FKBP15: variants seen among roughly 807,000 people sequenced by gnomAD.
The protein encoded by FKBP15 is FK506-binding protein 15.
FKBP15 carries 106 observed loss-of-function variants against 158.1 expected under a neutral mutation model. That is an observed-to-expected ratio of 0.67 (90% CI 0.57 to 0.79). The LOEUF (loss-of-function observed/expected upper bound fraction) is 0.79, where lower values mean the gene tolerates loss of function less well. Among genes scored for constraint, FKBP15 ranks in the 30% least tolerant of loss-of-function variants. The probability of loss-of-function intolerance (pLI) is 0.00; values close to 1 mark genes in which losing one functional copy is unlikely to be tolerated. For synonymous variants in FKBP15, 547 were observed against 548.6 expected (o/e 1.00, Z 0.04); for missense variants, 1,287 against 1,479.1 (o/e 0.87, Z 2.13).
In FKBP15 at chr9:113,184,893, A is replaced by G. The variant is rs1311478153; in HGVS notation, c.1499-89T>C. ...AGCTAGTAGCTCTTCCAGTAAAGAA[A>G]GAAATTAATACTTCCATACACTAGG... On this transcript the variant is annotated intron_variant, in intron 15 of 27. Transcript: ENST00000238256. This position sits in a 1 kb window ranked among gnomAD's most constrained non-coding sequence, Gnocchi z 4.5. 4.1e-6 allele frequency: 4 copies of G among 978,040 alleles called. No individual in the cohort carries two copies. The allele number at this position is 978,040 out of a possible 1,614,324, so 60.6% of individuals were successfully genotyped here.
At chr9:113,173,670 A>G in intron 22 of FKBP15, 65 bp from the exon 23 acceptor site, 1 of 1,528,048 alleles carries the variant, frequency 6.5e-7, no homozygotes, top group Non-Finnish European at 8.9e-7. Flanking sequence ...CATTGCACCT[A>G]GGGAAACCCA....
intron 24 of FKBP15, 22 bp from the exon 25 acceptor site, chr9:113,170,651 T>C (rs2118861343): frequency 6.4e-7 from 1 of 1,564,404 alleles, no homozygotes; most frequent in South Asian, 1.1e-5. Context: ...TCAAAACACA[T>C]GCTGTCAAAA....
intron 8 of FKBP15, among the ~76,000 whole-genome samples, chr9:113,197,604 G>A (rs1451015519): frequency 2.0e-5 from 3 of 152,154 alleles, no homozygotes; most frequent in Non-Finnish European, 4.4e-5. Flanking sequence ...AGGAGACAGA[G>A]GTTGCAGAGA....
At chr9:113,196,890 G>A (rs1830695819) in intron 9 of FKBP15, 42 bp downstream of exon 9, 7 of 1,598,310 alleles carry the variant, frequency 4.4e-6, no homozygotes, top group Non-Finnish European at 6.0e-6. Flanking sequence ...CAAAGAGACA[G>A]GCAGAGGACT....
intron 8 of FKBP15, among the ~76,000 whole-genome samples, chr9:113,197,885 T>C (rs1202929881): frequency 6.6e-6 from 1 of 152,168 alleles, no homozygotes; most frequent in Admixed American, 6.5e-5. Flanking sequence ...GGTTCAGTGA[T>C]CATGACTTAA....
rs1164991092 is a variant in FKBP15, at chr9:113,194,442, A to T, written c.865-273T>A. On this transcript the variant is annotated intron_variant, in intron 9 of 27. Coordinates refer to ENST00000238256, the MANE Select transcript of FKBP15 (RefSeq NM_015258.2). Reference sequence around the variant, plus strand: ...AATAAAAAATAAATAAATAAATAATAAATAAATTAAAAAAAAAAAAGAGTC... The same window carrying T: ...AATAAAAAATAAATAAATAAATAATTAATAAATTAAAAAAAAAAAAGAGTC... 3.9e-5 allele frequency among the ~76,000 whole-genome samples: 5 copies of T among 129,044 alleles called. No homozygotes were observed. The East Asian group carries it at 1.0e-3, about 26-fold the overall frequency. 84.7% of individuals were successfully genotyped at this position (129,044 alleles called of 152,430 possible).
chr9:113,178,254 C>T (rs943813697), intron 20 of FKBP15, among the ~76,000 whole-genome samples: 3 of 152,016 alleles, frequency 2.0e-5, no homozygotes, highest in African/African-American at 7.2e-5. Flanking sequence ...TGAAGAGTTG[C>T]AATCCATCTT....
chr9:113,213,980 T>C (rs1331729724), intron 1 of FKBP15, among the ~76,000 whole-genome samples: 2 of 152,090 alleles, frequency 1.3e-5, no homozygotes, highest in African/African-American at 4.8e-5. Context: ...GTCACCAGGC[T>C]AGAGTGCAGT....
intron 27 of FKBP15, 56 bp downstream of exon 27, chr9:113,168,404 G>T: frequency 6.8e-7 from 1 of 1,465,510 alleles, no homozygotes. Context: ...AGAGCCAGTA[G>T]GGAAGAGCCC....
intron 15 of FKBP15, among the ~76,000 whole-genome samples, chr9:113,185,882 T>C (rs1830477117): frequency 6.6e-6 from 1 of 152,166 alleles, no homozygotes; most frequent in Admixed American, 6.5e-5. Context: ...TTTCCTCCAA[T>C]GTTTTGCTCT....
Position 113,174,424 on chromosome 9 carries a change from T to C in FKBP15, c.2379+4A>G. ...ATTTTCAAAGTGCTTCAGTTTCCCATTACCTGCTCTGCAGCTGCTTGGTCT... is the reference window on the plus strand; with the variant it reads ...ATTTTCAAAGTGCTTCAGTTTCCCACTACCTGCTCTGCAGCTGCTTGGTCT... On this transcript the variant is annotated splice_donor_region_variant and intron_variant, in intron 22 of 27. Coordinates refer to ENST00000238256, the MANE Select transcript of FKBP15 (RefSeq NM_015258.2). 2 of 1,613,282 alleles carry C rather than the reference T, an allele frequency of 1.2e-6. No homozygotes were observed. Among genetic ancestry groups the C allele is most frequent in the Non-Finnish European group, 8.5e-7 (1 of 1,179,600 alleles).
intron 2 of FKBP15, among the ~76,000 whole-genome samples, chr9:113,210,567 G>A (rs986133978): frequency 6.6e-6 from 1 of 152,130 alleles, no homozygotes. Flanking sequence ...TCTTGACCTC[G>A]TGATCTGCTC....
rs1830031924 is a variant in FKBP15, at chr9:113,162,621, G to T, written c.*3457C>A. 2.3e-6 allele frequency: 2 copies of T among 852,946 alleles called. No homozygotes were observed. The highest frequency in any genetic ancestry group is 3.4e-5 in the African/African-American group (2 of 58,208). The allele number at this position is 852,946 out of a possible 1,614,324, so 52.8% of individuals were successfully genotyped here. ...AGGGGCAGAAAGAAATCACTCCTGG[G>T]TTAAGCATACAAGTTATAAATCAAT... is the stretch of plus-strand genomic sequence containing the variant. On this transcript the variant is annotated 3_prime_UTR_variant, in exon 28 of 28. Transcript: ENST00000238256.
intron 4 of FKBP15, chr9:113,206,295 A>G: frequency 1.8e-6 from 1 of 567,266 alleles, no homozygotes; most frequent in Non-Finnish European, 3.1e-6. Flanking sequence ...CAAAGGTCAA[A>G]TTTAACAATT....
In FKBP15 at chr9:113,184,848, G is replaced by T. The variant is rs934431528; in HGVS notation, c.1499-44C>A. Reference sequence around the variant, plus strand: ...AAAAGAAACTTATGAAACTGGAGCAGAGGAAACTGTATGAAGAAAAGCTAG... The same window carrying T: ...AAAAGAAACTTATGAAACTGGAGCATAGGAAACTGTATGAAGAAAAGCTAG... On this transcript the variant is annotated intron_variant, in intron 15 of 27. Transcript: ENST00000238256. This position sits in a 1 kb window ranked among gnomAD's most constrained non-coding sequence, Gnocchi z 4.5. 6.2e-6 allele frequency: 9 copies of T among 1,453,134 alleles called. No individual in the cohort carries two copies. The East Asian group carries it at 2.2e-4, about 35-fold the overall frequency. 90.0% of individuals were successfully genotyped at this position (1,453,134 alleles called of 1,614,324 possible).
Position 113,203,006 on chromosome 9 carries a change from T to C in FKBP15, c.354A>G (p.Gln118=). 6.2e-7 allele frequency: 1 copy of C among 1,612,900 alleles called. No homozygotes were observed. The part of the protein sequence containing the change: ...EYRILLYISQ[Q]QPVTVARIHV... ...GAATCCTAGCAACCGTAACTGGCTG[T>C]TGTTGACTGATATAAAGAAGAATCC... Residue 118 remains glutamine (Q), a synonymous_variant, in exon 5 of 28, where the codon CAA becomes CAG. Coordinates refer to ENST00000238256, the MANE Select transcript of FKBP15 (RefSeq NM_015258.2).
At chr9:113,166,504 T>C (rs1314704896) in intron 27 of FKBP15, among the ~76,000 whole-genome samples, 3 of 152,118 alleles carry the variant, frequency 2.0e-5, no homozygotes, top group South Asian at 2.1e-4. Context: ...ACTGGAGCAG[T>C]AGGAAGAAAC....
intron 2 of FKBP15, among the ~76,000 whole-genome samples, chr9:113,210,823 T>C (rs1345285928): frequency 6.6e-6 from 1 of 152,156 alleles, no homozygotes; most frequent in Non-Finnish European, 1.5e-5. Context: ...TCTTCCGACT[T>C]TCATCTTTCT....
intron 26 of FKBP15, 135 bp from the exon 27 acceptor site, chr9:113,168,691 C>T (rs757698076): frequency 1.1e-4 from 78 of 731,158 alleles, no homozygotes; most frequent in Middle Eastern, 4.9e-4. Context: ...CTCCCACCTC[C>T]GCTGCCACCA....
Sources: gnomAD v4.1 joint callset for allele counts (sites outside exome capture counted in the v4.1 genomes callset) on GRCh38, gnomAD v4.1.1 for gene constraint, Gnocchi (gnomAD v3.1) non-coding constraint, MANE v1.5 for transcripts, NCBI Gene and HGNC (gene_info 2026-07-23, HGNC 2026-07-21) for gene names.